PCDHA2: variants seen among roughly 807,000 people sequenced by gnomAD.
PCDHA2 encodes the protein protocadherin alpha-2.
In PCDHA2, 58 loss-of-function variants were observed where a neutral mutation model predicts 66.0. That is an observed-to-expected ratio of 0.88 (90% CI 0.71 to 1.09). PCDHA2 has a LOEUF of 1.09. PCDHA2 is among the 50% of genes least tolerant of loss of function. The probability of loss-of-function intolerance (pLI) is 0.00; values close to 1 mark genes in which losing one functional copy is unlikely to be tolerated. For missense variants in PCDHA2, 1,267 were observed against 1,242.3 expected, an observed-to-expected ratio of 1.02 and a Z score of -0.30; for synonymous variants, 634 against 554.0, an observed-to-expected ratio of 1.14 and a Z score of -2.03.
At chr5:140,828,161 T>A in intron 1 of PCDHA2, 2 of 1,614,176 alleles carry the variant, frequency 1.2e-6, no homozygotes, top group Non-Finnish European at 1.7e-6. Flanking sequence ...CCTCGCAGCC[T>A]GGAAGGTGGG....
chr5:140,839,096 G>T (rs1372259471), intron 1 of PCDHA2, among the ~76,000 whole-genome samples: 2 of 151,884 alleles, frequency 1.3e-5, no homozygotes, highest in Admixed American at 6.6e-5. Context: ...ATAATCAATA[G>T]AATTATTTAC....
chr5:140,857,745 C>G, intron 1 of PCDHA2: 1 of 1,597,310 alleles, frequency 6.3e-7, no homozygotes, highest in Non-Finnish European at 8.6e-7. Context: ...GCGCTGCTGG[C>G]GTCTCCCGCT....
chr5:140,866,758 A>T (rs1554160534), intron 1 of PCDHA2: 1 of 152,196 alleles, frequency 6.6e-6, no homozygotes, highest in Non-Finnish European at 1.5e-5. Flanking sequence ...CTAACAGGAC[A>T]TACAGGCAGA....
chr5:140,848,454 G>T, intron 1 of PCDHA2: 1 of 1,522,346 alleles, frequency 6.6e-7, no homozygotes, highest in Non-Finnish European at 8.9e-7. Context: ...CTTCTAATTT[G>T]GAGGCAATTT....
chr5:140,878,658 G>T (rs139171755), intron 1 of PCDHA2, among the ~76,000 whole-genome samples: 120 of 152,200 alleles, frequency 7.9e-4, no homozygotes, highest in African/African-American at 2.7e-3. Flanking sequence ...ATATCCAGAG[G>T]CTTCTCTTTA....
intron 1 of PCDHA2, chr5:140,803,614 T>G (rs1763248657): frequency 6.2e-7 from 1 of 1,614,122 alleles, no homozygotes; most frequent in Non-Finnish European, 8.5e-7. Flanking sequence ...TATTTATTCT[T>G]TCCAAAATGT....
Position 140,802,046 on chromosome 5 carries a change from G to A in PCDHA2, c.2388+4694G>A, listed in dbSNP as rs150869663. On this transcript the variant is annotated intron_variant, in intron 1 of 3. Coordinates refer to ENST00000526136, the MANE Select transcript of PCDHA2 (RefSeq NM_018905.3). ...AGGATATCGCGTATTCTTTCAATAC[G>A]GACATGTCAGCAGATATTCTGTCAA... 9.1e-5 allele frequency: 147 copies of A among 1,614,100 alleles called. 1 individual carries two copies. In the African/African-American group the frequency reaches 1.6e-3, roughly 18 times the overall value.
At chr5:140,909,471 A>G (rs1398595420) in intron 1 of PCDHA2, among the ~76,000 whole-genome samples, 3 of 152,328 alleles carry the variant, frequency 2.0e-5, no homozygotes, top group African/African-American at 7.2e-5. Context: ...TCTTCTTCAC[A>G]GGCTAAATAG....
chr5:140,831,485 G>A (rs1771542804), intron 1 of PCDHA2, among the ~76,000 whole-genome samples: 1 of 82,564 alleles, frequency 1.2e-5, no homozygotes, highest in Non-Finnish European at 2.3e-5. Flanking sequence ...TCAGCCTCTG[G>A]AGTTACTACA....
chr5:140,809,499 C>A, intron 1 of PCDHA2: 1 of 1,614,218 alleles, frequency 6.2e-7, no homozygotes, highest in Non-Finnish European at 8.5e-7. Context: ...GACCTCATGG[C>A]CTTCAGCCCC....
intron 1 of PCDHA2, chr5:140,812,047 C>T (rs140819853): frequency 1.7e-4 from 20 of 120,280 alleles, no homozygotes; most frequent in African/African-American, 5.8e-4. Flanking sequence ...GTTCCCTCTC[C>T]TTCAATTTTT....
intron 1 of PCDHA2, among the ~76,000 whole-genome samples, chr5:140,941,955 A>G (rs1424348103): frequency 1.3e-5 from 2 of 152,216 alleles, no homozygotes; most frequent in Non-Finnish European, 2.9e-5. Flanking sequence ...TTTGAAAACA[A>G]TAGTATCTTT....
intron 1 of PCDHA2, chr5:140,829,760 G>T (rs1554132217): frequency 6.2e-7 from 1 of 1,613,780 alleles, no homozygotes. Context: ...GTTCGTGCTG[G>T]ACGAGAACGA....
rs2150283763 is a variant in PCDHA2 at position 140,838,077 on chromosome 5, AGTGTGTGTGTGTGTGTGT to A, written c.2388+40762_2388+40779del. On this transcript the variant is annotated intron_variant, in intron 1 of 3. Coordinates refer to ENST00000526136, the MANE Select transcript of PCDHA2 (RefSeq NM_018905.3). ...TTTCCACTTTAAGTTATATATATAT[AGTGTGTGTGTGTGTGTGT>A]GTGTGTGTGTGTGTGTGTGTGTGTG... Among the ~76,000 whole-genome samples the A allele has an allele frequency of 8.8e-4, 71 of 80,700 alleles. No individual in the cohort carries two copies. The South Asian group carries it at 0.01, about 12-fold the overall frequency. The allele number at this position is 80,700 out of a possible 152,430, so 52.9% of individuals were successfully genotyped here. A position where few individuals can be genotyped will look rare whatever the true frequency, so the allele number is the denominator to read the frequency against.
chr5:140,897,368 GTTCCC>G (rs533733561), intron 1 of PCDHA2, among the ~76,000 whole-genome samples: 1,322 of 125,926 alleles, frequency 0.01, 14 homozygotes, highest in African/African-American at 0.03. Flanking sequence ...AGAGTGTGAT[GTTCCC>G]TTCCCCTTCC....
chr5:141,009,948 T>C lies in PCDHA2; in HGVS notation c.*11T>C, dbSNP rs201131092. 1 of 1,595,948 alleles carries C rather than the reference T, an allele frequency of 6.3e-7. No individual in the cohort carries two copies. The highest frequency in any genetic ancestry group is 1.4e-5 in the African/African-American group (1 of 73,610). On this transcript the variant is annotated 3_prime_UTR_variant, in exon 4 of 4. Coordinates refer to ENST00000526136, the MANE Select transcript of PCDHA2 (RefSeq NM_018905.3). ...AACAGTGACCAGTGAGGTCCTCAAA[T>C]GGAAACAAGCCACTTAGCCAGTTTT...
At position 140,965,675 on chromosome 5, in the gene PCDHA2, A is replaced by G. The variant is rs1049081993; in HGVS notation, c.2389-13274A>G. ...AAATGTCTTGGGTGATAAATGTAAA[A>G]GATTTGAAGCAAGATTAGAAAAAGC... On this transcript the variant is annotated intron_variant, in intron 1 of 3. Transcript: ENST00000526136. Among the ~76,000 whole-genome samples, 4 of 152,350 alleles carry G rather than the reference A, an allele frequency of 2.6e-5. No homozygotes were observed. The East Asian group carries it at 7.7e-4, about 29-fold the overall frequency.
chr5:140,950,671 A>G (rs1222424193), intron 1 of PCDHA2, among the ~76,000 whole-genome samples: 2 of 152,074 alleles, frequency 1.3e-5, no homozygotes, highest in Non-Finnish European at 2.9e-5. Context: ...TCAAACATGT[A>G]CATGTATATT....
intron 1 of PCDHA2, chr5:140,928,599 T>G: frequency 6.2e-7 from 1 of 1,614,224 alleles, no homozygotes. Context: ...CAGTGGAAAT[T>G]GTGCCCCGCT....
Sources: gnomAD v4.1 joint callset for allele counts (sites outside exome capture counted in the v4.1 genomes callset) on GRCh38, gnomAD v4.1.1 for gene constraint, MANE v1.5 for transcripts, NCBI Gene and HGNC (gene_info 2026-07-23, HGNC 2026-07-21) for gene names.